The following KCTD7 variants were observed in gnomAD, a reference collection of about 807,000 sequenced individuals.
The protein encoded by KCTD7 is potassium channel tetramerization domain containing 7.
In KCTD7, 15 loss-of-function variants were observed where a neutral mutation model predicts 27.0. The ratio of observed to expected loss-of-function variants is 0.56; its 90% CI spans 0.37 to 0.86. The LOEUF (loss-of-function observed/expected upper bound fraction) is 0.86, where lower values mean the gene tolerates loss of function less well. KCTD7 is among the 40% of genes least tolerant of loss of function. KCTD7 has a pLI of 0.00. For synonymous variants in KCTD7, 159 were observed against 162.7 expected (o/e 0.98, Z 0.17); for missense variants, 299 against 398.9 (o/e 0.75, Z 2.13).
At chr7:66,637,662 T>C (rs1435353163) in intron 2 of KCTD7, among the ~76,000 whole-genome samples, 2 of 152,206 alleles carry the variant, frequency 1.3e-5, no homozygotes, top group African/African-American at 4.8e-5. Flanking sequence ...TGTTTATATA[T>C]ATATTTCAAG....
At position 66,639,924 on chromosome 7, in the gene KCTD7, G is replaced by C; in HGVS notation, c.*692G>C. On this transcript the variant is annotated 3_prime_UTR_variant, in exon 4 of 4. Transcript: ENST00000639828. ...GTTTACAGCCCTGTCTTAGGGCCGCGGCTTCTCTTATCTTCCACCACCTTC... is the reference window on the plus strand; with the variant it reads ...GTTTACAGCCCTGTCTTAGGGCCGCCGCTTCTCTTATCTTCCACCACCTTC... 8.0e-7 allele frequency: 1 copy of C among 1,245,294 alleles called. No homozygotes were observed. The highest frequency in any genetic ancestry group is 1.0e-6 in the Non-Finnish European group (1 of 996,424). 77.1% of individuals were successfully genotyped at this position (1,245,294 alleles called of 1,614,324 possible). A position where few individuals can be genotyped will look rare whatever the true frequency, so the allele number is the denominator to read the frequency against.
intron 1 of KCTD7, among the ~76,000 whole-genome samples, chr7:66,632,735 AG>A (rs756888017): frequency 5.9e-5 from 9 of 151,950 alleles, no homozygotes; most frequent in South Asian, 4.2e-4. Flanking sequence ...GTTGAGGTGG[AG>A]AGACCTGATT....
At chr7:66,636,431 C>T (rs1786589114) in intron 2 of KCTD7, among the ~76,000 whole-genome samples, 1 of 151,702 alleles carries the variant, frequency 6.6e-6, no homozygotes, top group African/African-American at 2.4e-5. Context: ...CACACACCCC[C>T]AATGTCATTG....
intron 2 of KCTD7, among the ~76,000 whole-genome samples, chr7:66,634,876 C>T (rs978488843): frequency 5.9e-5 from 9 of 151,848 alleles, no homozygotes; most frequent in Non-Finnish European, 8.8e-5. Context: ...AGCAGCCAGG[C>T]GTGGTGGTAC....
In KCTD7 at chr7:66,640,173, G is replaced by T; in HGVS notation, c.*941G>T. 7.1e-7 allele frequency: 1 copy of T among 1,411,574 alleles called. No homozygotes were observed. The highest frequency in any genetic ancestry group is 1.4e-5 in the African/African-American group (1 of 69,024). The allele number at this position is 1,411,574 out of a possible 1,614,324, so 87.4% of individuals were successfully genotyped here. A position where few individuals can be genotyped will look rare whatever the true frequency, so the allele number is the denominator to read the frequency against. The stretch of plus-strand genomic sequence containing the variant: ...AGGGGACCCCCTCTCTTTAAACCCT[G>T]TTCCTCTGTCCTGGTAACATTCTCC... On this transcript the variant is annotated 3_prime_UTR_variant, in exon 4 of 4. Coordinates refer to ENST00000639828, the MANE Select transcript of KCTD7 (RefSeq NM_153033.5).
chr7:66,636,646 A>T (rs892692219), intron 2 of KCTD7, among the ~76,000 whole-genome samples: 1 of 151,996 alleles, frequency 6.6e-6, no homozygotes, highest in Non-Finnish European at 1.5e-5. Context: ...GGTGGCTTGC[A>T]CCTATGGTCC....
In KCTD7 at chr7:66,641,103, A is replaced by T; in HGVS notation, c.*1871A>T. 4 of 985,382 alleles carry T rather than the reference A, an allele frequency of 4.1e-6. No individual in the cohort carries two copies. Among genetic ancestry groups the T allele is most frequent in the Non-Finnish European group, 4.8e-6 (4 of 829,930 alleles). 61.0% of individuals were successfully genotyped at this position (985,382 alleles called of 1,614,324 possible). ...GGAAAAGAGGTGGATACTGAGATCT[A>T]AGAGGAAAGGATAGTCATTCACGTT... On this transcript the variant is annotated 3_prime_UTR_variant, in exon 4 of 4. Coordinates refer to ENST00000639828, the MANE Select transcript of KCTD7 (RefSeq NM_153033.5).
chr7:66,632,028 G>A (rs766192008), intron 1 of KCTD7, among the ~76,000 whole-genome samples: 9 of 152,212 alleles, frequency 5.9e-5, no homozygotes, highest in Non-Finnish European at 1.3e-4. Context: ...AGGAGAATAT[G>A]ACACACGGTG....
intron 2 of KCTD7, among the ~76,000 whole-genome samples, chr7:66,634,602 T>C (rs943145395): frequency 6.6e-6 from 1 of 152,024 alleles, no homozygotes; most frequent in African/African-American, 2.4e-5. Flanking sequence ...TAATCCCACA[T>C]AGGGGGATAG....
chr7:66,642,399 A>C lies in KCTD7; in HGVS notation c.*3167A>C, dbSNP rs1166917736. On this transcript the variant is annotated 3_prime_UTR_variant, in exon 4 of 4. Coordinates refer to ENST00000639828, the MANE Select transcript of KCTD7 (RefSeq NM_153033.5). ...CTGAGCCTTGTGCCTAAGGCTTATCAGGTGATATAATCTTCCTGTTCTGGG... is the reference window on the plus strand; with the variant it reads ...CTGAGCCTTGTGCCTAAGGCTTATCCGGTGATATAATCTTCCTGTTCTGGG... 1 of 985,296 alleles carries C rather than the reference A, an allele frequency of 1.0e-6. No individual in the cohort carries two copies. The highest frequency in any genetic ancestry group is 6.2e-5 in the Admixed American group (1 of 16,252). 61.0% of individuals were successfully genotyped at this position (985,296 alleles called of 1,614,324 possible).
In KCTD7 at chr7:66,639,980, T is replaced by A. The variant is rs1786677677; in HGVS notation, c.*748T>A. The A allele has an allele frequency of 2.4e-6, 3 of 1,258,564 alleles. No individual in the cohort carries two copies. The East Asian group carries it at 9.3e-5, about 39-fold the overall frequency. 78.0% of individuals were successfully genotyped at this position (1,258,564 alleles called of 1,614,324 possible). On this transcript the variant is annotated 3_prime_UTR_variant, in exon 4 of 4. Coordinates refer to ENST00000639828, the MANE Select transcript of KCTD7 (RefSeq NM_153033.5). Reference sequence around the variant, plus strand: ...TTGCAGGGTTATCTTCTCACAGGGCTGGAATGCAAATTTCAGAGGCTTCTT... The same window carrying A: ...TTGCAGGGTTATCTTCTCACAGGGCAGGAATGCAAATTTCAGAGGCTTCTT...
intron 2 of KCTD7, among the ~76,000 whole-genome samples, chr7:66,636,148 T>A (rs1329995664): frequency 6.6e-6 from 1 of 152,264 alleles, no homozygotes; most frequent in African/African-American, 2.4e-5. Context: ...TCAGGGCATT[T>A]CGTAGGGTGC....
At chr7:66,634,530 A>T (rs1444751234) in intron 2 of KCTD7, among the ~76,000 whole-genome samples, 1 of 151,976 alleles carries the variant, frequency 6.6e-6, no homozygotes, top group Non-Finnish European at 1.5e-5. Flanking sequence ...GCGCCACTGC[A>T]CCTGGCTGTC....
At position 66,642,094 on chromosome 7, in the gene KCTD7, A is replaced by G; in HGVS notation, c.*2862A>G. 2.0e-6 allele frequency: 2 copies of G among 985,440 alleles called. No individual in the cohort carries two copies. Among genetic ancestry groups the G allele is most frequent in the Non-Finnish European group, 2.4e-6 (2 of 829,936 alleles). 61.0% of individuals were successfully genotyped at this position (985,440 alleles called of 1,614,324 possible). On this transcript the variant is annotated 3_prime_UTR_variant, in exon 4 of 4. Coordinates refer to ENST00000639828, the MANE Select transcript of KCTD7 (RefSeq NM_153033.5). ...GTGAAAGTTTCAGGAGATGGGACCA[A>G]TGGTGCAATGCTCGCCATAACAAAA...
At position 66,641,558 on chromosome 7, in the gene KCTD7, C is replaced by T. The variant is rs529429431; in HGVS notation, c.*2326C>T. The T allele has an allele frequency of 1.0e-6, 1 of 985,304 alleles. No homozygotes were observed. Among genetic ancestry groups the T allele is most frequent in the South Asian group, 4.7e-5 (1 of 21,296 alleles). 61.0% of individuals were successfully genotyped at this position (985,304 alleles called of 1,614,324 possible). A position where few individuals can be genotyped will look rare whatever the true frequency, so the allele number is the denominator to read the frequency against. On this transcript the variant is annotated 3_prime_UTR_variant, in exon 4 of 4. Coordinates refer to ENST00000639828, the MANE Select transcript of KCTD7 (RefSeq NM_153033.5). ...GGGATGCTGGGTAAGAACACCGTTC[C>T]TCTCTCTCGCTGGAGAAATCCCTGT...
Position 66,639,898 on chromosome 7 carries a change from T to G in KCTD7, c.*666T>G. The G allele has an allele frequency of 8.0e-7, 1 of 1,245,226 alleles. No individual in the cohort carries two copies. The highest frequency in any genetic ancestry group is 1.0e-6 in the Non-Finnish European group (1 of 995,830). 77.1% of individuals were successfully genotyped at this position (1,245,226 alleles called of 1,614,324 possible). On this transcript the variant is annotated 3_prime_UTR_variant, in exon 4 of 4. Transcript: ENST00000639828. ...CCCAGTTGGCCTTAGAAAACCACAA[T>G]GTTTACAGCCCTGTCTTAGGGCCGC...
intron 1 of KCTD7, among the ~76,000 whole-genome samples, chr7:66,629,928 A>G (rs1341486531): frequency 6.6e-6 from 1 of 152,130 alleles, no homozygotes; most frequent in East Asian, 1.9e-4. Context: ...CACGGGTCTT[A>G]CTTAATGTGT....
Position 66,639,258 on chromosome 7 carries a change from T to G in KCTD7, c.*26T>G. On this transcript the variant is annotated 3_prime_UTR_variant, in exon 4 of 4. Coordinates refer to ENST00000639828, the MANE Select transcript of KCTD7 (RefSeq NM_153033.5). ...GTAGCCCCGGTAGGCGAGAGTCCCA[T>G]CAGGGAGGATGTCCACCTTGCTTGG... 1 of 1,605,064 alleles carries G rather than the reference T, an allele frequency of 6.2e-7. No homozygotes were observed. The highest frequency in any genetic ancestry group is 8.5e-7 in the Non-Finnish European group (1 of 1,179,974).
chr7:66,630,033 A>T (rs1319828650), intron 1 of KCTD7, among the ~76,000 whole-genome samples: 1 of 152,172 alleles, frequency 6.6e-6, no homozygotes, highest in Non-Finnish European at 1.5e-5. Context: ...GCAGTTTGGG[A>T]TGCTGAGGTG....
Sources: gnomAD v4.1 joint callset for allele counts (sites outside exome capture counted in the v4.1 genomes callset) on GRCh38, gnomAD v4.1.1 for gene constraint, MANE v1.5 for transcripts, NCBI Gene and HGNC (gene_info 2026-07-23, HGNC 2026-07-21) for gene names.